PILRB: variants seen among roughly 807,000 people sequenced by gnomAD.
The protein encoded by PILRB is paired immunoglobulin-like type 2 receptor beta.
In PILRB, 21 loss-of-function variants were observed where a neutral mutation model predicts 20.5. The ratio of observed to expected loss-of-function variants is 1.02; its 90% CI spans 0.72 to 1.47. The LOEUF (loss-of-function observed/expected upper bound fraction) is 1.47. Ranked by LOEUF, PILRB falls within the 40% of genes most tolerant of loss-of-function variation. PILRB has a pLI of 0.00. For synonymous variants in PILRB, 133 were observed against 115.1 expected, an observed-to-expected ratio of 1.16 and a Z score of -0.99; for missense variants, 253 against 272.1, an observed-to-expected ratio of 0.93 and a Z score of 0.49.
At position 100,358,173 on chromosome 7, in the gene PILRB, C is replaced by T. The variant is rs768153166; in HGVS notation, c.-130C>T. 5 of 1,049,058 alleles carry T rather than the reference C, an allele frequency of 4.8e-6. No homozygotes were observed. Among genetic ancestry groups the T allele is most frequent in the South Asian group, 1.3e-5 (1 of 76,718 alleles). 65.0% of individuals were successfully genotyped at this position (1,049,058 alleles called of 1,614,324 possible). ...TGGTTTGGGGAAGGTCCCCGGCCCC[C>T]ACAGCCCTCTGGGGAGCCTCACCCT... is the stretch of plus-strand genomic sequence containing the variant. On this transcript the variant is annotated 5_prime_UTR_variant, in exon 1 of 4. Coordinates refer to ENST00000609309, the MANE Select transcript of PILRB (RefSeq NM_178238.4).
chr7:100,365,779 C>T (rs1790664374), intron 3 of PILRB, among the ~76,000 whole-genome samples: 3 of 152,044 alleles, frequency 2.0e-5, no homozygotes, highest in African/African-American at 7.3e-5. Context: ...GATCACGTCA[C>T]TGTATAGCAG....
intron 3 of PILRB, among the ~76,000 whole-genome samples, chr7:100,366,900 C>G (rs1790707181): frequency 6.6e-6 from 1 of 152,046 alleles, no homozygotes. Flanking sequence ...TGGTGGACAA[C>G]AGGGAGAACA....
At chr7:100,358,493 T>C (rs536657907) in intron 1 of PILRB, 127 bp downstream of exon 1, 5 of 1,288,884 alleles carry the variant, frequency 3.9e-6, no homozygotes, top group Non-Finnish European at 5.4e-6. Context: ...GCGGGTCCCA[T>C]AGGGGTGGGT....
intron 3 of PILRB, among the ~76,000 whole-genome samples, chr7:100,366,416 GTC>G (rs1790687476): frequency 6.6e-6 from 1 of 152,178 alleles, no homozygotes; most frequent in Admixed American, 6.5e-5. Flanking sequence ...TTCAGAGGGT[GTC>G]TCTGTGGACG....
rs1266700181 is a variant in PILRB at position 100,358,776 on chromosome 7, A to C, written c.151A>C (p.Ile51Leu). 2.2e-5 allele frequency: 36 copies of C among 1,613,718 alleles called. No individual in the cohort carries two copies. The highest frequency in any genetic ancestry group is 1.6e-4 in the Middle Eastern group (1 of 6,084). Residue 51 changes from isoleucine to leucine, a missense_variant, in exon 2 of 4, where the codon ATC (isoleucine) becomes CTC (leucine). Coordinates refer to ENST00000609309, the MANE Select transcript of PILRB (RefSeq NM_178238.4). ...AGCCTCCATGGGTGGCTCTGTGGAA[A>C]TCCCCTTCTCCTTCTATTACCCCTG... is the stretch of plus-strand genomic sequence containing the variant. ...LSASMGGSVE[I>L]PFSFYYPWEL...
chr7:100,359,205 T>C (rs1044131510), intron 2 of PILRB, 126 bp downstream of exon 2: 33 of 1,502,520 alleles, frequency 2.2e-5, no homozygotes, highest in Non-Finnish European at 2.9e-5. Context: ...TTGCTACCCC[T>C]TCCATGTCTG....
At chr7:100,364,411 C>G (rs1463860833) in intron 3 of PILRB, among the ~76,000 whole-genome samples, 1 of 152,116 alleles carries the variant, frequency 6.6e-6, no homozygotes, top group Non-Finnish European at 1.5e-5. Context: ...GATGGTGGGT[C>G]CTTGCACCAT....
At chr7:100,366,233 C>T (rs1486360585) in intron 3 of PILRB, among the ~76,000 whole-genome samples, 1 of 152,160 alleles carries the variant, frequency 6.6e-6, no homozygotes, top group Non-Finnish European at 1.5e-5. Flanking sequence ...ATTATCACCG[C>T]GTGAGCCACC....
At chr7:100,366,728 GGT>G (rs1790699780) in intron 3 of PILRB, among the ~76,000 whole-genome samples, 1 of 151,894 alleles carries the variant, frequency 6.6e-6, no homozygotes, top group Non-Finnish European at 1.5e-5. Flanking sequence ...TGGAGGGAGA[GGT>G]GGGGGTGCCT....
At chr7:100,361,891 A>G (rs1790537433) in intron 3 of PILRB, among the ~76,000 whole-genome samples, 1 of 152,082 alleles carries the variant, frequency 6.6e-6, no homozygotes, top group South Asian at 2.1e-4. Context: ...TTTTATAACC[A>G]TAGAGTGGAG....
chr7:100,365,949 GTTTTTTTTT>G (rs769960565), intron 3 of PILRB, among the ~76,000 whole-genome samples: 1 of 127,824 alleles, frequency 7.8e-6, no homozygotes, highest in African/African-American at 2.8e-5. Flanking sequence ...ATTCTAGGTG[GTTTTTTTTT>G]TTTTTTTTTT....
chr7:100,359,471 G>A lies in PILRB; in HGVS notation c.589G>A (p.Ala197Thr), dbSNP rs375039008. The change falls in exon 3 of 4, where the codon GCT becomes ACT. Residue 197 changes from alanine to threonine, a missense_variant. Coordinates refer to ENST00000609309, the MANE Select transcript of PILRB (RefSeq NM_178238.4). ...DTAIRVALAVAVLKTVILGLL... is the reference protein window; with the variant it reads ...DTAIRVALAVTVLKTVILGLL... ...TGCCATCAGGGTTGCATTGGCTGTC[G>A]CTGTGCTCAAAACTGTCATTTTGGG... 6 of 1,613,978 alleles carry A rather than the reference G, an allele frequency of 3.7e-6. No homozygotes were observed. Among genetic ancestry groups the A allele is most frequent in the African/African-American group, 1.3e-5 (1 of 74,896 alleles).
rs1563108797 is a variant in PILRB, at chr7:100,359,473, T to C, written c.591T>C (p.Ala197=). ...CCATCAGGGTTGCATTGGCTGTCGC[T>C]GTGCTCAAAACTGTCATTTTGGGAC... ...DTAIRVALAV[A]VLKTVILGLL... The change falls in exon 3 of 4, where the codon GCT becomes GCC. Residue 197 remains alanine (A), a synonymous_variant. Coordinates refer to ENST00000609309, the MANE Select transcript of PILRB (RefSeq NM_178238.4). 6.2e-7 allele frequency: 1 copy of C among 1,614,120 alleles called. No individual in the cohort carries two copies. Among genetic ancestry groups the C allele is most frequent in the Non-Finnish European group, 8.5e-7 (1 of 1,180,006 alleles).
intron 2 of PILRB, 79 bp downstream of exon 2, chr7:100,359,158 C>T: frequency 7.6e-6 from 12 of 1,579,810 alleles, no homozygotes; most frequent in South Asian, 1.1e-5. Context: ...CACATTTAAA[C>T]CCAGTGGTCT....
At chr7:100,361,224 C>T (rs958683527) in intron 3 of PILRB, among the ~76,000 whole-genome samples, 13 of 152,260 alleles carry the variant, frequency 8.5e-5, no homozygotes, top group Middle Eastern at 3.4e-3. Flanking sequence ...CTTGAGCCAC[C>T]GCACCCGGCC....
intron 3 of PILRB, among the ~76,000 whole-genome samples, chr7:100,364,496 A>C (rs1790619939): frequency 6.6e-6 from 1 of 152,192 alleles, no homozygotes; most frequent in African/African-American, 2.4e-5. Flanking sequence ...TGATCACATC[A>C]AGGTTGTTTG....
At position 100,359,064 on chromosome 7, in the gene PILRB, C is replaced by T; in HGVS notation, c.439C>T (p.Leu147Phe). The T allele has an allele frequency of 6.2e-7, 1 of 1,614,138 alleles. No homozygotes were observed. The highest frequency in any genetic ancestry group is 8.5e-7 in the Non-Finnish European group (1 of 1,180,024). ...QQLQSIKGTK[L>F]TITQAVTTTT... ...GTTGCAGTCCATCAAGGGGACCAAA[C>T]TCACCATCACCCAGGGTGAGTCCAG... is the stretch of plus-strand genomic sequence containing the variant. The change falls in exon 2 of 4, where the codon CTC (leucine) becomes TTC (phenylalanine). Residue 147 changes from leucine to phenylalanine, a missense_variant. Transcript: ENST00000609309.
intron 3 of PILRB, among the ~76,000 whole-genome samples, chr7:100,366,445 G>T (rs1790688782): frequency 6.6e-6 from 1 of 152,154 alleles, no homozygotes; most frequent in African/African-American, 2.4e-5. Flanking sequence ...CCTCCCAGGA[G>T]GGGGCTGGAT....
At chr7:100,362,562 G>A (rs1389827179) in intron 3 of PILRB, among the ~76,000 whole-genome samples, 3 of 151,668 alleles carry the variant, frequency 2.0e-5, no homozygotes, top group African/African-American at 4.8e-5. Flanking sequence ...AGCCTGGAGT[G>A]CAGTGGTGCC....
Sources: gnomAD v4.1 joint callset for allele counts (sites outside exome capture counted in the v4.1 genomes callset) on GRCh38, gnomAD v4.1.1 for gene constraint, MANE v1.5 for transcripts, NCBI Gene and HGNC (gene_info 2026-07-23, HGNC 2026-07-21) for gene names.